Variants in ABHD11 observed in about 807,000 individuals in gnomAD.
The protein encoded by ABHD11 is abhydrolase domain containing 11, also known as sn-1-specific diacylglycerol lipase ABHD11.
Under a neutral mutation model 29.0 loss-of-function variants are expected in ABHD11, and 26 were observed. The observed-to-expected ratio is 0.90, with a 90% CI of 0.66 to 1.24. The LOEUF is 1.24. Ranked by LOEUF, ABHD11 falls within the 50% of genes most tolerant of loss-of-function variation. The pLI, the probability that ABHD11 is intolerant of heterozygous loss-of-function variation, is 0.00. For synonymous variants in ABHD11, 169 were observed against 166.4 expected, an observed-to-expected ratio of 1.02 and a Z score of -0.12; for missense variants, 381 against 422.4, an observed-to-expected ratio of 0.90 and a Z score of 0.86.
In ABHD11 at chr7:73,737,012, G is replaced by C. The variant is rs1554622038; in HGVS notation, c.705C>G (p.Asp235Glu). 1 of 1,614,094 alleles carries C rather than the reference G, an allele frequency of 6.2e-7. No individual in the cohort carries two copies. The highest frequency in any genetic ancestry group is 8.5e-7 in the Non-Finnish European group (1 of 1,180,034). Residue 235 changes from aspartate to glutamate, a missense_variant, in exon 5 of 6, where the codon GAC becomes GAG. Physicochemically the swap from Asp to Glu is conservative, Grantham distance 45 (BLOSUM62 2). Transcript: ENST00000222800. The part of the protein sequence containing the change: ...VNLDALTQHL[D>E]KILAFPQRQE... ...GCCTCTGTGGGAAAGCCAAGATCTT[G>C]TCTAGGTGCTGGGTCAGGGCATCCA...
rs1389338892 is a variant in ABHD11, at chr7:73,738,764, G to T, written c.7C>A (p.Arg3Ser). ...GGGAGCCTCCAGGCTCGGGTCCAGC[G>T]GAGCATGCTTGCAAGCTGTTGGCCG... ML[R>S]WTRAWRLPRE... Residue 3 changes from arginine to serine, a missense_variant, in exon 1 of 6, where the codon CGC becomes AGC. Physicochemically the swap from Arg to Ser is moderately radical, Grantham distance 110. Transcript: ENST00000222800. 2 of 1,606,862 alleles carry T rather than the reference G, an allele frequency of 1.2e-6. No individual in the cohort carries two copies. Among genetic ancestry groups the T allele is most frequent in the East Asian group, 2.2e-5 (1 of 44,668 alleles).
chr7:73,737,481 G>A (rs1165502162), intron 3 of ABHD11, 81 bp downstream of exon 3: 5 of 1,561,954 alleles, frequency 3.2e-6, no homozygotes, highest in South Asian at 1.2e-5. Context: ...GTCATCCAAC[G>A]ATCATGTGAG....
At chr7:73,737,762 C>T (rs1800065374) in intron 2 of ABHD11, 27 bp from the exon 3 acceptor site, 3 of 1,589,898 alleles carry the variant, frequency 1.9e-6, no homozygotes, top group Non-Finnish European at 2.6e-6. Context: ...GACGGGGCTG[C>T]GTTGATATCC....
At chr7:73,737,467 C>T in intron 3 of ABHD11, 76 bp from the exon 4 acceptor site, 1 of 1,565,152 alleles carries the variant, frequency 6.4e-7, no homozygotes, top group South Asian at 1.2e-5. Flanking sequence ...GGAGCCTGAA[C>T]TTGGTCATCC....
rs782246989 is a variant in ABHD11 at position 73,736,249 on chromosome 7, GT to G, written c.*309del. 2.1e-5 allele frequency: 10 copies of G among 484,422 alleles called. No homozygotes were observed. The highest frequency in any genetic ancestry group is 2.8e-5 in the Non-Finnish European group (7 of 246,018). 30.0% of individuals were successfully genotyped at this position (484,422 alleles called of 1,614,324 possible). Reference sequence around the variant, plus strand: ...GGGTTTTGTGCCTCCTTTTTGTTTTGTTTTTTTTGAGACAGAGTCTTGCTCT... The same window carrying G: ...GGGTTTTGTGCCTCCTTTTTGTTTTGTTTTTTTGAGACAGAGTCTTGCTCT... On this transcript the variant is annotated 3_prime_UTR_variant, in exon 6 of 6. Transcript: ENST00000222800.
At position 73,737,627 on chromosome 7, in the gene ABHD11, C is replaced by A; in HGVS notation, c.370G>T (p.Val124Leu). 6.2e-7 allele frequency: 1 copy of A among 1,613,944 alleles called. No individual in the cohort carries two copies. The highest frequency in any genetic ancestry group is 8.5e-7 in the Non-Finnish European group (1 of 1,179,960). Residue 124 changes from valine (V) to leucine (L), a missense_variant, in exon 3 of 6, where the codon GTG becomes TTG. By Grantham distance (32) the Val-to-Leu change is conservative. Coordinates refer to ENST00000222800, the MANE Select transcript of ABHD11 (RefSeq NM_148912.4). ...LQDLLPQLGL[V>L]PCVVVGHSMG... The stretch of plus-strand genomic sequence containing the variant: ...CTGTGGCCAACGACGACGCAGGGCA[C>A]CAGGCCCAGCTGGGGCAGAAGGTCC...
Position 73,737,041 on chromosome 7 carries a change from T to A in ABHD11, c.676A>T (p.Asn226Tyr). The part of the protein sequence containing the change: ...EVDGRFVWRV[N>Y]LDALTQHLDK... ...AGGTGCTGGGTCAGGGCATCCAAGT[T>A]CACCCTCCACACGAAGCGCCCGTCT... Residue 226 changes from asparagine to tyrosine, a missense_variant, in exon 5 of 6, where the codon AAC (asparagine) becomes TAC (tyrosine). Coordinates refer to ENST00000222800, the MANE Select transcript of ABHD11 (RefSeq NM_148912.4). 1 of 1,614,020 alleles carries A rather than the reference T, an allele frequency of 6.2e-7. No homozygotes were observed. The highest frequency in any genetic ancestry group is 8.5e-7 in the Non-Finnish European group (1 of 1,180,016).
In ABHD11 at chr7:73,738,636, C is replaced by T; in HGVS notation, c.125+10G>A. On this transcript the variant is annotated intron_variant, in intron 1 of 5. Transcript: ENST00000222800. The stretch of plus-strand genomic sequence containing the variant: ...AGAGGATGGCCTCCCGCCCGGTGCC[C>T]TTGACTGACCTCGGCTCGGCGCCCC... The T allele has an allele frequency of 1.9e-6, 3 of 1,590,786 alleles. No homozygotes were observed.
chr7:73,738,492 C>G (rs782446266), intron 1 of ABHD11, 29 bp from the exon 2 acceptor site: 1 of 1,600,198 alleles, frequency 6.2e-7, no homozygotes, highest in East Asian at 2.3e-5. Context: ...AGGTCAGAGT[C>G]TGAGCCGGCG....
At position 73,738,756 on chromosome 7, in the gene ABHD11, G is replaced by C; in HGVS notation, c.15C>G (p.Thr5=). Residue 5 remains threonine (T), a synonymous_variant, in exon 1 of 6, where the codon ACC becomes ACG. Coordinates refer to ENST00000222800, the MANE Select transcript of ABHD11 (RefSeq NM_148912.4). ...CCTCACGCGGGAGCCTCCAGGCTCGGGTCCAGCGGAGCATGCTTGCAAGCT... is the reference window on the plus strand; with the variant it reads ...CCTCACGCGGGAGCCTCCAGGCTCGCGTCCAGCGGAGCATGCTTGCAAGCT... The part of the protein sequence containing the change: MLRW[T]RAWRLPREGL... The C allele has an allele frequency of 6.2e-7, 1 of 1,608,994 alleles. No homozygotes were observed. Among genetic ancestry groups the C allele is most frequent in the East Asian group, 2.2e-5 (1 of 44,690 alleles).
Position 73,736,820 on chromosome 7 carries a change from T to C in ABHD11, c.788+109A>G, listed in dbSNP as rs1307964631. On this transcript the variant is annotated intron_variant, in intron 5 of 5. Coordinates refer to ENST00000222800, the MANE Select transcript of ABHD11 (RefSeq NM_148912.4). ...GAGCCCATATGCCCGGTGGTATTTC[T>C]GGCCTCTCAGCCACCCCCCTTCCAC... 10 of 1,572,700 alleles carry C rather than the reference T, an allele frequency of 6.4e-6. No homozygotes were observed. The African/African-American group carries it at 1.2e-4, about 19-fold the overall frequency.
chr7:73,738,464 C>A lies in ABHD11; in HGVS notation c.126-1G>T, dbSNP rs146848199. The A allele has an allele frequency of 3.0e-5, 48 of 1,609,180 alleles. No individual in the cohort carries two copies. The highest frequency in any genetic ancestry group is 3.9e-5 in the Non-Finnish European group (46 of 1,177,806). On this transcript the variant is annotated splice_acceptor_variant, in intron 1 of 5. Transcript: ENST00000222800. LOFTEE classifies it high-confidence loss of function. ...AAGCCTGTAGGAAAGCGGAAGCGGC[C>A]TGGCAGGGGAAGGATCGAGGTCAGA...
In ABHD11 at chr7:73,737,192, TACCATCCGGGGC is replaced by T; in HGVS notation, c.606+17_606+28del. ...TCCCTTGACAGGTCCTGGTCTACAA[TACCATCCGGGGC>T]ACCTTGGGTGTATCACCTGGATGAC... is the stretch of plus-strand genomic sequence containing the variant. On this transcript the variant is annotated intron_variant, in intron 4 of 5. Coordinates refer to ENST00000222800, the MANE Select transcript of ABHD11 (RefSeq NM_148912.4). The T allele has an allele frequency of 4.3e-6, 7 of 1,613,846 alleles. No homozygotes were observed. The highest frequency in any genetic ancestry group is 5.1e-6 in the Non-Finnish European group (6 of 1,180,010).
Position 73,738,696 on chromosome 7 carries a change from C to T in ABHD11, c.75G>A (p.Val25=). 3 of 1,604,966 alleles carry T rather than the reference C, an allele frequency of 1.9e-6. No homozygotes were observed. Among genetic ancestry groups the T allele is most frequent in the Non-Finnish European group, 2.5e-6 (3 of 1,176,938 alleles). Residue 25 remains valine (V), a synonymous_variant, in exon 1 of 6, where the codon GTG becomes GTA. Transcript: ENST00000222800. ...CGCTGCTGCTGCTGGGTGCGACAGG[C>T]ACCCTCGCGAAGCTAGGGCCGTGGG... ...LGPHGPSFAR[V]PVAPSSSSGG... is the part of the protein sequence containing the mutation.
intron 1 of ABHD11, 47 bp from the exon 2 acceptor site, chr7:73,738,510 G>A (rs781905564): frequency 9.4e-6 from 15 of 1,588,310 alleles, no homozygotes; most frequent in Non-Finnish European, 1.3e-5. Flanking sequence ...GCGGAGACGG[G>A]GAAAGGGGTA....
In ABHD11 at chr7:73,736,791, G is replaced by A. The variant is rs367703175; in HGVS notation, c.789-100C>T. The A allele has an allele frequency of 6.3e-6, 10 of 1,590,230 alleles. No homozygotes were observed. The African/African-American group carries it at 1.3e-4, about 21-fold the overall frequency. On this transcript the variant is annotated intron_variant, in intron 5 of 5. Transcript: ENST00000222800. ...AGAACGGGGAGAAATGGAGAGAGCT[G>A]TGTGAGCCCATATGCCCGGTGGTAT...
intron 2 of ABHD11, chr7:73,738,035 A>G: frequency 1.4e-6 from 1 of 738,158 alleles, no homozygotes. Flanking sequence ...GCACAGAAGA[A>G]TGGGCTGCCA....
Position 73,737,625 on chromosome 7 carries a change from C to T in ABHD11, c.372G>A (p.Val124=), listed in dbSNP as rs140919712. Reference sequence around the variant, plus strand: ...TGCTGTGGCCAACGACGACGCAGGGCACCAGGCCCAGCTGGGGCAGAAGGT... The same window carrying T: ...TGCTGTGGCCAACGACGACGCAGGGTACCAGGCCCAGCTGGGGCAGAAGGT... ...LQDLLPQLGL[V]PCVVVGHSMG... is the part of the protein sequence containing the mutation. The change falls in exon 3 of 6, where the codon GTG becomes GTA. Residue 124 remains valine, a synonymous_variant. Coordinates refer to ENST00000222800, the MANE Select transcript of ABHD11 (RefSeq NM_148912.4). 76 of 1,614,062 alleles carry T rather than the reference C, an allele frequency of 4.7e-5. No homozygotes were observed. In the Middle Eastern group the frequency reaches 8.2e-4, roughly 18 times the overall value.
chr7:73,738,587 G>A lies in ABHD11; in HGVS notation c.125+59C>T, dbSNP rs1023998583. The A allele has an allele frequency of 3.8e-6, 6 of 1,566,616 alleles. No homozygotes were observed. The South Asian group carries it at 4.7e-5, about 12-fold the overall frequency. Reference sequence around the variant, plus strand: ...CCCAAAGGGAGGAGATGGGGCCGTCGGGGCCCGGCAGGAAAAGGAGGACAG... The same window carrying A: ...CCCAAAGGGAGGAGATGGGGCCGTCAGGGCCCGGCAGGAAAAGGAGGACAG... On this transcript the variant is annotated intron_variant, in intron 1 of 5. Transcript: ENST00000222800.
Sources: allele counts gnomAD v4.1 joint callset, GRCh38; gene constraint gnomAD v4.1.1; transcripts MANE v1.5; gene names NCBI Gene and HGNC (gene_info 2026-07-23, HGNC 2026-07-21).